Variants in MAPKBP1 observed in about 807,000 individuals in gnomAD.
MAPKBP1 encodes the protein mitogen-activated protein kinase-binding protein 1.
A neutral mutation model predicts 170.5 loss-of-function variants in MAPKBP1; 71 were observed. That is an observed-to-expected ratio of 0.42 (90% CI 0.34 to 0.51). MAPKBP1 has a LOEUF of 0.51. MAPKBP1 is among the 20% of genes least tolerant of loss of function. The pLI is 0.06. For missense variants in MAPKBP1, 1,598 were observed against 1,933.0 expected (o/e 0.83, Z 3.25); for synonymous variants, 719 against 757.9 (o/e 0.95, Z 0.84).
At chr15:41,791,272 G>A (rs995206212) in intron 2 of MAPKBP1, among the ~76,000 whole-genome samples, 2 of 152,176 alleles carry the variant, frequency 1.3e-5, no homozygotes, top group African/African-American at 4.8e-5. Flanking sequence ...TTTCCTCACA[G>A]TTGCTGGGGT....
chr15:41,815,175 T>C lies in MAPKBP1; in HGVS notation c.1171-84T>C, dbSNP rs1177350792. 5 of 1,536,038 alleles carry C rather than the reference T, an allele frequency of 3.3e-6. No individual in the cohort carries two copies. In the Admixed American group the frequency reaches 6.9e-5, roughly 21 times the overall value. ...TAAGTCCTGGCCACCATTCCCTTTT[T>C]CGTCCCATTCCCTTCCATCTCCTTG... On this transcript the variant is annotated intron_variant, in intron 10 of 30. Transcript: ENST00000457542.
Position 41,775,248 on chromosome 15 carries a change from G to A in MAPKBP1, c.-28G>A, listed in dbSNP as rs752022715. On this transcript the variant is annotated 5_prime_UTR_variant, in exon 2 of 31. Coordinates refer to ENST00000457542, the MANE Select transcript of MAPKBP1 (RefSeq NM_014994.3). ...GAGACAAGACCCAGGACTGGGCCGGGGACTGTCCCAAAGGGTTTCTCGTCA... is the reference window on the plus strand; with the variant it reads ...GAGACAAGACCCAGGACTGGGCCGGAGACTGTCCCAAAGGGTTTCTCGTCA... 1 of 1,582,766 alleles carries A rather than the reference G, an allele frequency of 6.3e-7. No individual in the cohort carries two copies. The highest frequency in any genetic ancestry group is 8.7e-7 in the Non-Finnish European group (1 of 1,151,750).
In MAPKBP1 at chr15:41,816,972, G is replaced by A; in HGVS notation, c.1648G>A (p.Glu550Lys). 1 of 1,612,918 alleles carries A rather than the reference G, an allele frequency of 6.2e-7. No individual in the cohort carries two copies. Among genetic ancestry groups the A allele is most frequent in the Non-Finnish European group, 8.5e-7 (1 of 1,179,202 alleles). The change falls in exon 14 of 31, where the codon GAG becomes AAG. Residue 550 changes from glutamate (E) to lysine (K), a missense_variant. Transcript: ENST00000457542. ...RLIHVLDAGR[E>K]YSLQQTLDEH... is the part of the protein sequence containing the mutation. ...GATCCATGTGCTGGATGCCGGGCGG[G>A]AGTACAGCCTACAGCAGACGCTGGA...
chr15:41,816,259 G>C, intron 12 of MAPKBP1: 1 of 442,328 alleles, frequency 2.3e-6, no homozygotes, highest in East Asian at 3.8e-5. Flanking sequence ...ATAGGATCTA[G>C]AGTCAAGAAA....
At chr15:41,805,551 T>C (rs1787206312) in intron 3 of MAPKBP1, among the ~76,000 whole-genome samples, 1 of 152,176 alleles carries the variant, frequency 6.6e-6, no homozygotes, top group Non-Finnish European at 1.5e-5. Flanking sequence ...ACGGGGTGTA[T>C]CTGGCAGCTA....
At chr15:41,810,178 G>T (rs1209574494) in intron 3 of MAPKBP1, among the ~76,000 whole-genome samples, 1 of 152,220 alleles carries the variant, frequency 6.6e-6, no homozygotes, top group Non-Finnish European at 1.5e-5. Context: ...AACGGGCTGT[G>T]CACCCGAGGC....
intron 8 of MAPKBP1, 80 bp from the exon 9 acceptor site, chr15:41,813,541 C>A: frequency 6.4e-7 from 1 of 1,560,566 alleles, no homozygotes; most frequent in Non-Finnish European, 8.8e-7. Context: ...CTCCTCTTGG[C>A]AGGTGGCTGT....
intron 2 of MAPKBP1, among the ~76,000 whole-genome samples, chr15:41,785,387 C>T (rs2064266663): frequency 6.6e-6 from 1 of 152,124 alleles, no homozygotes; most frequent in Non-Finnish European, 1.5e-5. Flanking sequence ...TAATGTATTT[C>T]AGGACTATGA....
chr15:41,808,419 G>A (rs998820140), intron 3 of MAPKBP1, among the ~76,000 whole-genome samples: 1 of 150,204 alleles, frequency 6.7e-6, no homozygotes, highest in Non-Finnish European at 1.5e-5. Context: ...TATAATTTTC[G>A]TTTGCCTGCT....
intron 2 of MAPKBP1, among the ~76,000 whole-genome samples, chr15:41,798,899 G>A (rs550865534): frequency 6.6e-6 from 1 of 152,340 alleles, no homozygotes; most frequent in East Asian, 1.9e-4. Flanking sequence ...AGTGCAGGGA[G>A]TGCACAGTCC....
intron 2 of MAPKBP1, among the ~76,000 whole-genome samples, chr15:41,791,575 A>G (rs923885196): frequency 1.8e-4 from 28 of 152,208 alleles, no homozygotes; most frequent in African/African-American, 6.3e-4. Context: ...AGAGAGCAGA[A>G]AAGCTTCGAA....
At chr15:41,802,827 T>G (rs1328560348) in intron 3 of MAPKBP1, among the ~76,000 whole-genome samples, 2 of 152,230 alleles carry the variant, frequency 1.3e-5, no homozygotes, top group African/African-American at 2.4e-5. Flanking sequence ...TTTTAACTTT[T>G]TAAACTTTTT....
chr15:41,775,876 A>T (rs951106844), intron 2 of MAPKBP1, among the ~76,000 whole-genome samples: 18 of 152,106 alleles, frequency 1.2e-4, no homozygotes, highest in African/African-American at 4.3e-4. Context: ...GTGAAAACAA[A>T]TTTTTTTTGT....
At chr15:41,810,794 G>A in intron 3 of MAPKBP1, 89 bp from the exon 4 acceptor site, 2 of 1,003,124 alleles carry the variant, frequency 2.0e-6, no homozygotes, top group Non-Finnish European at 1.6e-6. Flanking sequence ...AGCTCCCTCT[G>A]CCGGGTGACT....
At chr15:41,804,636 T>C (rs1231811146) in intron 3 of MAPKBP1, among the ~76,000 whole-genome samples, 1 of 152,214 alleles carries the variant, frequency 6.6e-6, no homozygotes, top group Non-Finnish European at 1.5e-5. Context: ...GCCTGGCCTT[T>C]AAGGGCATGT....
chr15:41,786,777 A>AAAAAAAAAT, intron 2 of MAPKBP1, among the ~76,000 whole-genome samples: 3 of 32,454 alleles, frequency 9.2e-5, no homozygotes, highest in African/African-American at 2.6e-4. Flanking sequence ...AAAAAAAAAA[A>AAAAAAAAAT]ATATATATAT....
At position 41,822,655 on chromosome 15, in the gene MAPKBP1, C is replaced by T. The variant is rs767034870; in HGVS notation, c.3292C>T (p.Gln1098Ter). 3 of 1,614,056 alleles carry T rather than the reference C, an allele frequency of 1.9e-6. No homozygotes were observed. The highest frequency in any genetic ancestry group is 1.7e-5 in the Admixed American group (1 of 60,012). The part of the protein sequence containing the change: ...SRSISSRFLL[Q>*]VQTRPLREPS... ...GAGTATCTCTTCACGATTCCTGTTG[C>T]AAGTACAGACCCGCCCACTCAGGTA... is the stretch of plus-strand genomic sequence containing the variant. Residue 1098 changes from glutamine (Q) to a stop codon, truncating the protein, a stop_gained, in exon 27 of 31, where the codon CAA (glutamine) becomes TAA (stop). Coordinates refer to ENST00000457542, the MANE Select transcript of MAPKBP1 (RefSeq NM_014994.3). LOFTEE classifies it high-confidence loss of function.
At chr15:41,785,197 G>A (rs2064262738) in intron 2 of MAPKBP1, among the ~76,000 whole-genome samples, 1 of 152,140 alleles carries the variant, frequency 6.6e-6, no homozygotes, top group African/African-American at 2.4e-5. Flanking sequence ...TTCCATTTGT[G>A]AGAGGTCCTT....
chr15:41,803,231 A>G (rs1214049867), intron 3 of MAPKBP1, among the ~76,000 whole-genome samples: 1 of 151,904 alleles, frequency 6.6e-6, no homozygotes, highest in African/African-American at 2.4e-5. Context: ...CCTGGCCAAC[A>G]TGGTGAAATC....
Sources: gnomAD v4.1 joint callset for allele counts (sites outside exome capture counted in the v4.1 genomes callset) on GRCh38, gnomAD v4.1.1 for gene constraint, MANE v1.5 for transcripts, NCBI Gene and HGNC (gene_info 2026-07-23, HGNC 2026-07-21) for gene names.